Variants in MAGI2 observed in about 807,000 individuals in gnomAD.
MAGI2 encodes the protein membrane-associated guanylate kinase, WW and PDZ domain-containing protein 2.
A neutral mutation model predicts 133.3 loss-of-function variants in MAGI2; 35 were observed. That is an observed-to-expected ratio of 0.26 (90% CI 0.20 to 0.35). MAGI2 has a LOEUF of 0.35. MAGI2 is among the 10% of genes least tolerant of loss of function. The probability of loss-of-function intolerance (pLI) is 1.00; values close to 1 mark genes in which losing one functional copy is unlikely to be tolerated. For missense variants in MAGI2, 1,636 were observed against 1,863.4 expected (o/e 0.88, Z 2.25); for synonymous variants, 729 against 710.6 (o/e 1.03, Z -0.41).
intron 2 of MAGI2, among the ~76,000 whole-genome samples, chr7:78,690,730 A>G (rs1484162593): frequency 2.0e-5 from 3 of 152,222 alleles, no homozygotes; most frequent in Non-Finnish European, 4.4e-5. Context: ...TAAAAACATT[A>G]CTACTGGCCT....
chr7:78,985,035 T>C (rs1237693270), intron 2 of MAGI2, among the ~76,000 whole-genome samples: 1 of 151,728 alleles, frequency 6.6e-6, no homozygotes, highest in Non-Finnish European at 1.5e-5. Flanking sequence ...TGGGTCTTGT[T>C]CTGTTGTCCA....
At chr7:79,318,498 T>C (rs2129561367) in intron 1 of MAGI2, among the ~76,000 whole-genome samples, 1 of 152,296 alleles carries the variant, frequency 6.6e-6, no homozygotes, top group Non-Finnish European at 1.5e-5. Context: ...CCTTTTGAAT[T>C]CTATATTTTC....
At chr7:78,745,821 C>A (rs1822877381) in intron 2 of MAGI2, among the ~76,000 whole-genome samples, 1 of 152,132 alleles carries the variant, frequency 6.6e-6, no homozygotes. Flanking sequence ...GTATTCTAGG[C>A]ATCTTTTCTT....
chr7:78,602,566 A>C (rs1204827240), intron 3 of MAGI2, among the ~76,000 whole-genome samples: 2 of 152,192 alleles, frequency 1.3e-5, no homozygotes, highest in Non-Finnish European at 2.9e-5. Flanking sequence ...TTGAGGTAGA[A>C]ATGCTATGTT....
At chr7:78,809,882 C>T (rs531039030) in intron 2 of MAGI2, among the ~76,000 whole-genome samples, 2 of 152,218 alleles carry the variant, frequency 1.3e-5, no homozygotes, top group South Asian at 4.1e-4. Flanking sequence ...AAGTAATTGC[C>T]TGAGATTTTG....
intron 1 of MAGI2, among the ~76,000 whole-genome samples, chr7:79,120,352 A>G (rs1446139112): frequency 6.6e-6 from 1 of 152,052 alleles, no homozygotes; most frequent in East Asian, 1.9e-4. Context: ...TTGCAAATAC[A>G]TTTTCAATGG....
chr7:79,083,299 T>A (rs997426092), intron 1 of MAGI2, among the ~76,000 whole-genome samples: 1 of 41,934 alleles, frequency 2.4e-5, no homozygotes, highest in Non-Finnish European at 4.5e-5. Flanking sequence ...ATAAGTATGA[T>A]GTTATTTTTT....
At chr7:79,138,263 C>T (rs539378635) in intron 1 of MAGI2, among the ~76,000 whole-genome samples, 1 of 152,054 alleles carries the variant, frequency 6.6e-6, no homozygotes, top group South Asian at 2.1e-4. Flanking sequence ...GGCTCAAGAA[C>T]TCATATTCTC....
At chr7:79,396,380 C>T (rs1845057850) in intron 1 of MAGI2, among the ~76,000 whole-genome samples, 1 of 152,102 alleles carries the variant, frequency 6.6e-6, no homozygotes, top group African/African-American at 2.4e-5. Flanking sequence ...GGAAGAACTG[C>T]CCACTGACCA....
chr7:79,402,748 GC>G (rs1335309355), intron 1 of MAGI2, among the ~76,000 whole-genome samples: 2 of 152,120 alleles, frequency 1.3e-5, no homozygotes, highest in Non-Finnish European at 2.9e-5. Context: ...CATTGCTTGA[GC>G]CCAGGAGTTC....
intron 3 of MAGI2, among the ~76,000 whole-genome samples, chr7:78,573,014 G>A (rs1187813732): frequency 2.6e-5 from 2 of 78,300 alleles, no homozygotes; most frequent in African/African-American, 4.8e-5. Flanking sequence ...GAACTAATAG[G>A]ATATATATAT....
At chr7:79,320,706 CTTTA>C in intron 1 of MAGI2, among the ~76,000 whole-genome samples, 1 of 152,076 alleles carries the variant, frequency 6.6e-6, no homozygotes, top group East Asian at 1.9e-4. Context: ...GGATCTATTG[CTTTA>C]TTTATTCTTT....
At chr7:78,360,769 T>A (rs1394868464) in intron 7 of MAGI2, among the ~76,000 whole-genome samples, 1 of 152,222 alleles carries the variant, frequency 6.6e-6, no homozygotes, top group Non-Finnish European at 1.5e-5. Flanking sequence ...AAAAGTTGTC[T>A]GCAACTCTCT....
Position 78,078,988 on chromosome 7 carries a change from C to T in MAGI2, c.3665G>A (p.Arg1222Lys). The stretch of plus-strand genomic sequence containing the variant: ...TCCCGTGCCTCTCTTGAGCAGCAGC[C>T]TCACTCGTCTTCCTCCAGATTTGAT... ...ELIKSGGRRVRLLLKRGTGQV... is the reference protein window; with the variant it reads ...ELIKSGGRRVKLLLKRGTGQV... The change falls in exon 21 of 22, where the codon AGG becomes AAG. Residue 1222 changes from arginine to lysine, a missense_variant. This residue lies in a region of MAGI2 where 49 missense variants were observed against 103.8 expected (regional missense o/e 0.47). Transcript: ENST00000354212. The T allele has an allele frequency of 1.2e-6, 2 of 1,613,800 alleles. No individual in the cohort carries two copies. The highest frequency in any genetic ancestry group is 1.7e-6 in the Non-Finnish European group (2 of 1,179,942).
At chr7:78,458,167 A>T (rs958935704) in intron 6 of MAGI2, among the ~76,000 whole-genome samples, 14 of 151,808 alleles carry the variant, frequency 9.2e-5, no homozygotes, top group Non-Finnish European at 1.8e-4. Context: ...GTGGTGGCAC[A>T]CCCCTGTAAT....
intron 2 of MAGI2, among the ~76,000 whole-genome samples, chr7:78,729,430 G>A (rs925200687): frequency 2.0e-5 from 3 of 152,168 alleles, no homozygotes; most frequent in Non-Finnish European, 4.4e-5. Context: ...AGTACTGAAA[G>A]AATAGCAAAA....
intron 1 of MAGI2, among the ~76,000 whole-genome samples, chr7:79,065,198 T>C (rs1814178654): frequency 6.6e-6 from 1 of 152,108 alleles, no homozygotes. Flanking sequence ...TATGCTTAGG[T>C]ATCCATTCCA....
At chr7:78,625,990 C>T (rs1337851252) in intron 3 of MAGI2, among the ~76,000 whole-genome samples, 2 of 152,048 alleles carry the variant, frequency 1.3e-5, no homozygotes, top group Admixed American at 1.3e-4. Flanking sequence ...CAGAAGTATC[C>T]CTTTCATTAA....
intron 2 of MAGI2, among the ~76,000 whole-genome samples, chr7:78,933,864 A>G (rs1402527272): frequency 6.6e-6 from 1 of 152,136 alleles, no homozygotes; most frequent in Non-Finnish European, 1.5e-5. Context: ...ACATTTTAAA[A>G]AGCCATCTAG....
Sources: gnomAD v4.1 joint callset for allele counts (sites outside exome capture counted in the v4.1 genomes callset) on GRCh38, gnomAD v4.1.1 for gene constraint, gnomAD v4.1.1 regional missense constraint, MANE v1.5 for transcripts, NCBI Gene and HGNC (gene_info 2026-07-23, HGNC 2026-07-21) for gene names.